Variants in TSPEAR observed in about 807,000 individuals in gnomAD.
TSPEAR encodes thrombospondin-type laminin G domain and EAR repeat-containing protein.
In TSPEAR, 69 loss-of-function variants were observed where a neutral mutation model predicts 71.6. The observed-to-expected ratio is 0.96, with a 90% CI of 0.79 to 1.18. TSPEAR has a LOEUF of 1.18. TSPEAR is among the 50% of genes most tolerant of loss of function. TSPEAR has a pLI of 0.00. For missense variants in TSPEAR, 971 were observed against 894.9 expected (o/e 1.09, Z -1.09); for synonymous variants, 402 against 387.2 (o/e 1.04, Z -0.45).
At chr21:44,500,011 G>A (rs1259895346) in intron 11 of TSPEAR, 75 bp from the exon 12 acceptor site, 29 of 1,462,032 alleles carry the variant, frequency 2.0e-5, no homozygotes, top group African/African-American at 1.7e-4. Context: ...TCCCACCCGC[G>A]CTGTCAGGGA....
rs372600513 is a variant in TSPEAR at position 44,669,424 on chromosome 21, A to C, written c.82+42009T>G. 3.3e-5 allele frequency among the ~76,000 whole-genome samples: 5 copies of C among 152,352 alleles called. 1 individual carries two copies. ...TGACAGAGCAGGACTCCATCTCAAAAAAAATTAAATAAAAAAATAAAGCAC... is the reference window on the plus strand; with the variant it reads ...TGACAGAGCAGGACTCCATCTCAAACAAAATTAAATAAAAAAATAAAGCAC... On this transcript the variant is annotated intron_variant, in intron 1 of 11. Transcript: ENST00000323084.
intron 2 of TSPEAR, chr21:44,558,614 G>T: frequency 6.2e-7 from 1 of 1,606,280 alleles, no homozygotes; most frequent in Non-Finnish European, 8.5e-7. Context: ...CGCAGCAGCT[G>T]GTGGCGCAGC....
chr21:44,628,658 C>A (rs1983057767), intron 1 of TSPEAR, among the ~76,000 whole-genome samples: 3 of 151,950 alleles, frequency 2.0e-5, no homozygotes. Context: ...TGGGTAGAAG[C>A]AGCTCCTTCC....
At chr21:44,708,993 C>G (rs531196243) in intron 1 of TSPEAR, among the ~76,000 whole-genome samples, 4 of 152,196 alleles carry the variant, frequency 2.6e-5, no homozygotes, top group African/African-American at 9.7e-5. Flanking sequence ...CCCGCGTGAC[C>G]GGTCCCCACC....
intron 1 of TSPEAR, among the ~76,000 whole-genome samples, chr21:44,572,409 G>A (rs1410037766): frequency 6.6e-6 from 1 of 152,128 alleles, no homozygotes; most frequent in African/African-American, 2.4e-5. Context: ...CTGGCAAAGG[G>A]CGATGTGAAC....
At chr21:44,619,609 T>A (rs1156862509) in intron 1 of TSPEAR, among the ~76,000 whole-genome samples, 1 of 152,096 alleles carries the variant, frequency 6.6e-6, no homozygotes, top group African/African-American at 2.4e-5. Context: ...TGAATTAAGA[T>A]AAACCAGGAG....
At chr21:44,547,354 G>A (rs116207439) in intron 2 of TSPEAR, among the ~76,000 whole-genome samples, 2,449 of 152,212 alleles carry the variant, frequency 0.016, 55 homozygotes, top group African/African-American at 0.056. Flanking sequence ...AGAGCTGATC[G>A]AAAGGCTTTA....
intron 2 of TSPEAR, among the ~76,000 whole-genome samples, chr21:44,543,875 G>A (rs2053260575): frequency 6.6e-6 from 1 of 152,184 alleles, no homozygotes; most frequent in Non-Finnish European, 1.5e-5. Context: ...CACACTTTTG[G>A]TGTAATTAGC....
chr21:44,517,770 A>G (rs1601347955), intron 9 of TSPEAR: 2 of 471,152 alleles, frequency 4.2e-6, no homozygotes, highest in South Asian at 1.5e-5. Flanking sequence ...GAGCCCTCCT[A>G]CCTCCTGATA....
At chr21:44,627,836 C>A in intron 1 of TSPEAR, 2 of 1,614,028 alleles carry the variant, frequency 1.2e-6, no homozygotes, top group Middle Eastern at 1.6e-4. Context: ...TGCTGCACCA[C>A]CTCCTGCTGC....
chr21:44,502,583 C>T (rs1423827613), intron 11 of TSPEAR, among the ~76,000 whole-genome samples: 5 of 152,258 alleles, frequency 3.3e-5, no homozygotes, highest in African/African-American at 9.6e-5. Flanking sequence ...ATATCAACAA[C>T]TCCCATGTTA....
At chr21:44,637,352 C>A (rs1370344674) in intron 1 of TSPEAR, 22 of 1,559,704 alleles carry the variant, frequency 1.4e-5, no homozygotes, top group Non-Finnish European at 1.8e-5. Context: ...CAGGCTCACA[C>A]ACACACTCAC....
intron 2 of TSPEAR, among the ~76,000 whole-genome samples, chr21:44,554,023 G>A (rs8133874): frequency 0.61 from 93,003 of 152,130 alleles, 28,653 homozygotes; most frequent in South Asian, 0.71. Flanking sequence ...TGGAAAAAAT[G>A]CTTAAGGAAA....
At chr21:44,533,308 T>G (rs2053010885) in intron 3 of TSPEAR, among the ~76,000 whole-genome samples, 1 of 152,190 alleles carries the variant, frequency 6.6e-6, no homozygotes, top group Non-Finnish European at 1.5e-5. Flanking sequence ...CCTCACCCCA[T>G]GCAGCCCTGC....
chr21:44,555,319 C>T (rs940076598), intron 2 of TSPEAR, among the ~76,000 whole-genome samples: 3 of 152,296 alleles, frequency 2.0e-5, no homozygotes, highest in Non-Finnish European at 2.9e-5. Context: ...GGAAAAGAGA[C>T]GTCTCCCAGG....
chr21:44,514,857 G>C (rs1270030980), intron 9 of TSPEAR, among the ~76,000 whole-genome samples: 2 of 152,132 alleles, frequency 1.3e-5, no homozygotes, highest in African/African-American at 2.4e-5. Flanking sequence ...CCCAGGGTGG[G>C]CAGCCAGCTC....
At chr21:44,652,981 C>T (rs1555941768) in intron 1 of TSPEAR, among the ~76,000 whole-genome samples, 7 of 151,714 alleles carry the variant, frequency 4.6e-5, no homozygotes. Flanking sequence ...ACGGTGAAAC[C>T]CCGTCTCTAC....
At chr21:44,602,569 C>T (rs1285763299) in intron 1 of TSPEAR, among the ~76,000 whole-genome samples, 1 of 152,210 alleles carries the variant, frequency 6.6e-6, no homozygotes, top group African/African-American at 2.4e-5. Flanking sequence ...GAGGGGCTCC[C>T]CCCGGCCCCG....
intron 1 of TSPEAR, among the ~76,000 whole-genome samples, chr21:44,651,432 C>T (rs1984784867): frequency 6.6e-6 from 1 of 152,196 alleles, no homozygotes; most frequent in Non-Finnish European, 1.5e-5. Flanking sequence ...GGTCCGAAGT[C>T]TGCTGTGGGT....
Sources: allele counts gnomAD v4.1 joint callset (sites outside exome capture counted in the v4.1 genomes callset), GRCh38; gene constraint gnomAD v4.1.1; transcripts MANE v1.5; gene names NCBI Gene and HGNC (gene_info 2026-07-23, HGNC 2026-07-21).